Variants in GLI3 observed in about 807,000 individuals in gnomAD.
The protein encoded by GLI3 is GLI family zinc finger 3, also known as transcription activator GLI3.
GLI3 carries 20 observed loss-of-function variants against 100.8 expected under a neutral mutation model. That is an observed-to-expected ratio of 0.20 (90% CI 0.14 to 0.29). GLI3 has a LOEUF of 0.29. Among genes scored for constraint, GLI3 ranks in the 10% least tolerant of loss-of-function variants. The pLI is 1.00. For synonymous variants in GLI3, 938 were observed against 860.5 expected, an observed-to-expected ratio of 1.09 and a Z score of -1.58; for missense variants, 2,040 against 2,128.5, an observed-to-expected ratio of 0.96 and a Z score of 0.82.
chr7:42,207,393 T>C (rs1050988170), intron 2 of GLI3, among the ~76,000 whole-genome samples: 2 of 152,228 alleles, frequency 1.3e-5, no homozygotes, highest in East Asian at 3.8e-4. Context: ...CTGTGTATTG[T>C]ATTTCAATTA....
At chr7:42,035,400 A>G (rs1012589362) in intron 7 of GLI3, among the ~76,000 whole-genome samples, 12 of 152,238 alleles carry the variant, frequency 7.9e-5, no homozygotes, top group African/African-American at 2.9e-4. Flanking sequence ...AGAAAGCACA[A>G]CTTGCCCTCT....
chr7:42,101,370 G>GT (rs1271706293), intron 3 of GLI3, among the ~76,000 whole-genome samples: 3 of 152,180 alleles, frequency 2.0e-5, no homozygotes, highest in Non-Finnish European at 2.9e-5. Context: ...GGAGGCTGAG[G>GT]TGGGAGAACT....
intron 2 of GLI3, among the ~76,000 whole-genome samples, chr7:42,212,726 C>T (rs970300280): frequency 6.6e-6 from 1 of 152,190 alleles, no homozygotes; most frequent in African/African-American, 2.4e-5. Flanking sequence ...ACATCATTAG[C>T]GCCTTTGATC....
At chr7:41,967,990 G>T in intron 13 of GLI3, 67 bp from the exon 14 acceptor site, 1 of 1,153,756 alleles carries the variant, frequency 8.7e-7, no homozygotes, top group Non-Finnish European at 1.3e-6. Context: ...AGCCAATAAT[G>T]AGAGCTCATG....
intron 4 of GLI3, among the ~76,000 whole-genome samples, chr7:42,072,716 A>C (rs1356349213): frequency 6.6e-6 from 1 of 152,218 alleles, no homozygotes; most frequent in East Asian, 1.9e-4. Flanking sequence ...TGATGTCAAC[A>C]ATGCAAGGCA....
chr7:42,228,118 C>T (rs1788620147), intron 1 of GLI3, among the ~76,000 whole-genome samples: 2 of 151,990 alleles, frequency 1.3e-5, no homozygotes, highest in African/African-American at 4.8e-5. Context: ...GCGCGCCGGG[C>T]CCGCGCAGCG....
At chr7:42,253,722 A>G (rs1789056626) in intron 1 of GLI3, among the ~76,000 whole-genome samples, 1 of 152,146 alleles carries the variant, frequency 6.6e-6, no homozygotes, top group Non-Finnish European at 1.5e-5. Context: ...TGTTTACATT[A>G]GTTGACTTTA....
rs1334763452 is a variant in GLI3, at chr7:42,223,173, T to A, written c.81A>T (p.Thr27=). 6.2e-7 allele frequency: 1 copy of A among 1,613,988 alleles called. No homozygotes were observed. Among genetic ancestry groups the A allele is most frequent in the South Asian group, 1.1e-5 (1 of 91,072 alleles). ...ENSIVKCSTR[T]DVSEKAVASS... ...AGGCAACGGCTTTCTCGCTCACATC[T>A]GTTCGAGTGGAGCACTTCACTATGG... The change falls in exon 2 of 15, where the codon ACA becomes ACT. Residue 27 remains threonine, a synonymous_variant. Transcript: ENST00000395925.
At chr7:42,065,848 G>T (rs1388778481) in intron 4 of GLI3, among the ~76,000 whole-genome samples, 2 of 152,076 alleles carry the variant, frequency 1.3e-5, no homozygotes, top group Non-Finnish European at 2.9e-5. Flanking sequence ...TGACTTAGTA[G>T]CCTCTTTCAC....
chr7:42,109,326 C>T (rs996340030), intron 3 of GLI3, among the ~76,000 whole-genome samples: 1 of 152,180 alleles, frequency 6.6e-6, no homozygotes, highest in Non-Finnish European at 1.5e-5. Flanking sequence ...CTTTCACTGA[C>T]AGGCAACCCC....
chr7:42,218,919 G>A lies in GLI3; in HGVS notation c.124+4211C>T, dbSNP rs111911385. On this transcript the variant is annotated intron_variant, in intron 2 of 14. Coordinates refer to ENST00000395925, the MANE Select transcript of GLI3 (RefSeq NM_000168.6). ...TAAAACGAAATCATGGGCCAAAAAT[G>A]AGGCAAAACACTTCAAATTGAAAAG... Among the ~76,000 whole-genome samples, 335 of 152,144 alleles carry A rather than the reference G, an allele frequency of 2.2e-3. 2 individuals are homozygous for A. The highest frequency in any genetic ancestry group is 7.6e-3 in the African/African-American group (317 of 41,524).
chr7:42,177,306 A>G (rs888544926), intron 2 of GLI3, among the ~76,000 whole-genome samples: 1 of 152,172 alleles, frequency 6.6e-6, no homozygotes, highest in Admixed American at 6.5e-5. Context: ...GAGGTCACAT[A>G]TTCAATGATC....
intron 3 of GLI3, among the ~76,000 whole-genome samples, chr7:42,137,919 A>G (rs1262542166): frequency 6.6e-6 from 1 of 152,220 alleles, no homozygotes; most frequent in East Asian, 1.9e-4. Context: ...CATCTCCAAG[A>G]TATCTCATTC....
intron 3 of GLI3, among the ~76,000 whole-genome samples, chr7:42,089,667 A>T (rs567392188): frequency 6.6e-6 from 1 of 152,348 alleles, no homozygotes; most frequent in Non-Finnish European, 1.5e-5. Flanking sequence ...GCAGCTGAAA[A>T]GGCTCCCCCA....
chr7:42,182,148 G>T (rs1049047452), intron 2 of GLI3, among the ~76,000 whole-genome samples: 1 of 152,124 alleles, frequency 6.6e-6, no homozygotes, highest in East Asian at 1.9e-4. Flanking sequence ...TGTTGATGGC[G>T]TGTTCCACAG....
At chr7:42,170,576 G>A (rs1038898281) in intron 2 of GLI3, among the ~76,000 whole-genome samples, 8 of 151,362 alleles carry the variant, frequency 5.3e-5, no homozygotes, top group Admixed American at 3.9e-4. Flanking sequence ...CCAATTTTTT[G>A]TATTTGTAAT....
intron 10 of GLI3, among the ~76,000 whole-genome samples, chr7:42,012,988 A>G (rs1452568078): frequency 6.6e-6 from 1 of 152,252 alleles, no homozygotes; most frequent in Non-Finnish European, 1.5e-5. Context: ...GGAGAGCCTA[A>G]AGAAACACCA....
Position 41,972,453 on chromosome 7 carries a change from T to C in GLI3, c.1987A>G (p.Arg663Gly). 1 of 1,613,790 alleles carries C rather than the reference T, an allele frequency of 6.2e-7. No individual in the cohort carries two copies. The highest frequency in any genetic ancestry group is 8.5e-7 in the Non-Finnish European group (1 of 1,179,968). Reference protein sequence around the residue: ...PRDSGSHSQSRSPGRPTQGAL... With the variant: ...PRDSGSHSQSGSPGRPTQGAL... ...CCCTGAGTCGGTCGGCCAGGCGACC[T>C]GGACTGTGAATGGCTGCCGGAATCT... The change falls in exon 13 of 15, where the codon AGG (arginine) becomes GGG (glycine). Residue 663 changes from arginine to glycine, a missense_variant. Coordinates refer to ENST00000395925, the MANE Select transcript of GLI3 (RefSeq NM_000168.6). This position sits in a 1 kb window ranked among gnomAD's most constrained non-coding sequence, Gnocchi z 4.4.
chr7:42,247,757 C>T (rs1326330089), intron 1 of GLI3, among the ~76,000 whole-genome samples: 1 of 152,214 alleles, frequency 6.6e-6, no homozygotes, highest in African/African-American at 2.4e-5. Context: ...GCTCTTTCTT[C>T]AGGGAAGGTA....
Sources: allele counts gnomAD v4.1 joint callset (sites outside exome capture counted in the v4.1 genomes callset), GRCh38; gene constraint gnomAD v4.1.1; non-coding constraint Gnocchi (gnomAD v3.1); transcripts MANE v1.5; gene names NCBI Gene and HGNC (gene_info 2026-07-23, HGNC 2026-07-21).